NEDD4L: variants seen among roughly 807,000 people sequenced by gnomAD.
The protein encoded by NEDD4L is E3 ubiquitin-protein ligase NEDD4-like.
NEDD4L carries 54 observed loss-of-function variants against 148.9 expected under a neutral mutation model. The ratio of observed to expected loss-of-function variants is 0.36; its 90% CI spans 0.29 to 0.45. The LOEUF (loss-of-function observed/expected upper bound fraction) is 0.45. NEDD4L is among the 20% of genes least tolerant of loss of function. NEDD4L has a pLI of 1.00. For synonymous variants in NEDD4L, 433 were observed against 440.7 expected, an observed-to-expected ratio of 0.98 and a Z score of 0.22; for missense variants, 856 against 1,233.8, an observed-to-expected ratio of 0.69 and a Z score of 4.59.
intron 5 of NEDD4L, among the ~76,000 whole-genome samples, chr18:58,284,450 A>G (rs1380104431): frequency 1.3e-5 from 2 of 152,198 alleles, no homozygotes; most frequent in Admixed American, 6.5e-5. Flanking sequence ...AGCAAAATGA[A>G]TAATCTGTCT....
At chr18:58,344,578 T>A (rs906908063) in intron 16 of NEDD4L, among the ~76,000 whole-genome samples, 3 of 152,242 alleles carry the variant, frequency 2.0e-5, no homozygotes, top group Non-Finnish European at 2.9e-5. Context: ...AACATTCATT[T>A]GGTAAACTGA....
intron 5 of NEDD4L, among the ~76,000 whole-genome samples, chr18:58,261,979 C>T (rs552255351): frequency 6.6e-6 from 1 of 152,218 alleles, no homozygotes; most frequent in African/African-American, 2.4e-5. Flanking sequence ...CTGTAAATGT[C>T]AAAGGAAACT....
chr18:58,197,233 T>C (rs1438457461), intron 2 of NEDD4L, among the ~76,000 whole-genome samples: 1 of 152,104 alleles, frequency 6.6e-6, no homozygotes, highest in Admixed American at 6.5e-5. Context: ...TGTTGAGAGA[T>C]GGAAAATTGG....
chr18:58,205,874 T>C (rs2041931474), intron 2 of NEDD4L, among the ~76,000 whole-genome samples: 1 of 152,106 alleles, frequency 6.6e-6, no homozygotes, highest in Non-Finnish European at 1.5e-5. Flanking sequence ...GTATATGTTC[T>C]GATGTTTGTT....
Position 58,400,568 on chromosome 18 carries a change from G to A in NEDD4L, c.*4299G>A, listed in dbSNP as rs1225666433. 1 of 152,174 alleles carries A rather than the reference G, an allele frequency of 6.6e-6. No homozygotes were observed. The highest frequency in any genetic ancestry group is 6.5e-5 in the Admixed American group (1 of 15,280). 9.4% of individuals were successfully genotyped at this position (152,174 alleles called of 1,614,324 possible). On this transcript the variant is annotated 3_prime_UTR_variant, in exon 31 of 31. Transcript: ENST00000400345. ...TTCCTGTTGGCATGAAATTTTCCAA[G>A]CAAACCTCATTAAACATCTGTTGTT...
rs374983671 is a variant in NEDD4L at position 58,353,904 on chromosome 18, G to A, written c.1708+2859G>A. 1.8e-4 allele frequency among the ~76,000 whole-genome samples: 27 copies of A among 152,276 alleles called. 1 individual carries two copies. In the East Asian group the frequency reaches 3.7e-3, roughly 21 times the overall value. Reference sequence around the variant, plus strand: ...TCTTGTCTTCCAGCATACCTGGCACGTGGGTCCACCTGGAATTACAGATGA... The same window carrying A: ...TCTTGTCTTCCAGCATACCTGGCACATGGGTCCACCTGGAATTACAGATGA... On this transcript the variant is annotated intron_variant, in intron 18 of 30. Coordinates refer to ENST00000400345, the MANE Select transcript of NEDD4L (RefSeq NM_001144967.3).
chr18:58,142,289 C>T (rs979104307), intron 1 of NEDD4L, among the ~76,000 whole-genome samples: 8 of 151,694 alleles, frequency 5.3e-5, no homozygotes, highest in Non-Finnish European at 7.4e-5. Context: ...ACATCGTGAT[C>T]CACCTGCCTC....
At chr18:58,389,220 T>A (rs2049459548) in intron 28 of NEDD4L, 28 bp downstream of exon 28, 4 of 1,542,446 alleles carry the variant, frequency 2.6e-6, no homozygotes, top group Admixed American at 1.7e-5. Context: ...CCCCAGCCGG[T>A]GTCCTCCACC....
At chr18:58,248,833 G>A (rs1008634817) in intron 3 of NEDD4L, 66 bp from the exon 4 acceptor site, 1 of 810,640 alleles carries the variant, frequency 1.2e-6, no homozygotes, top group African/African-American at 1.7e-5. Flanking sequence ...TATGTAGACT[G>A]TATTGTACTA....
chr18:58,254,660 A>C (rs1323222342), intron 5 of NEDD4L, among the ~76,000 whole-genome samples: 1 of 151,458 alleles, frequency 6.6e-6, no homozygotes, highest in East Asian at 1.9e-4. Flanking sequence ...TTCCTACCTG[A>C]CATATGGAAG....
chr18:58,284,603 T>A (rs71355692), intron 5 of NEDD4L, among the ~76,000 whole-genome samples: 9,464 of 152,278 alleles, frequency 0.062, 375 homozygotes, highest in South Asian at 0.17. Flanking sequence ...TCGTTGCATG[T>A]GGGTACACCC....
chr18:58,267,577 A>G (rs1443039811), intron 5 of NEDD4L, among the ~76,000 whole-genome samples: 2 of 151,996 alleles, frequency 1.3e-5, no homozygotes, highest in Non-Finnish European at 2.9e-5. Context: ...GAATACCAGG[A>G]AAGATCATGG....
chr18:58,108,482 G>A (rs1695675383), intron 1 of NEDD4L, among the ~76,000 whole-genome samples: 1 of 152,092 alleles, frequency 6.6e-6, no homozygotes, highest in South Asian at 2.1e-4. Flanking sequence ...GTGCAGTGGT[G>A]CGATCTCAGC....
chr18:58,284,039 G>C (rs986024963), intron 5 of NEDD4L, among the ~76,000 whole-genome samples: 4 of 152,184 alleles, frequency 2.6e-5, no homozygotes, highest in African/African-American at 7.2e-5. Context: ...AAGCAGGGGA[G>C]ACCATGGAAT....
rs932311283 is a variant in NEDD4L at position 58,100,787 on chromosome 18, G to T, written c.48+56079G>T. ...CTCCTTTTAGGGGGCAGAAAAGAAA[G>T]AATGTTTTTATTTTTAATTAAAAAA... is the stretch of plus-strand genomic sequence containing the variant. On this transcript the variant is annotated intron_variant, in intron 1 of 30. Coordinates refer to ENST00000400345, the MANE Select transcript of NEDD4L (RefSeq NM_001144967.3). Among the ~76,000 whole-genome samples the T allele has an allele frequency of 2.0e-5, 3 of 149,838 alleles. No individual in the cohort carries two copies. In the East Asian group the frequency reaches 5.8e-4, roughly 29 times the overall value.
intron 2 of NEDD4L, among the ~76,000 whole-genome samples, chr18:58,194,602 C>A (rs2040461624): frequency 1.3e-5 from 2 of 152,194 alleles, no homozygotes; most frequent in South Asian, 4.2e-4. Context: ...CTTGTTGTCC[C>A]TGGCAGGGTT....
At chr18:58,210,313 A>G (rs1351139219) in intron 2 of NEDD4L, among the ~76,000 whole-genome samples, 1 of 152,254 alleles carries the variant, frequency 6.6e-6, no homozygotes, top group Non-Finnish European at 1.5e-5. Flanking sequence ...TTAGGAAAAT[A>G]CAAATTACCA....
chr18:58,394,005 C>T (rs973363127), intron 30 of NEDD4L, among the ~76,000 whole-genome samples: 3 of 152,218 alleles, frequency 2.0e-5, no homozygotes, highest in African/African-American at 7.2e-5. Context: ...TAGGTAGACT[C>T]TAAAGCAAAC....
chr18:58,149,146 T>A (rs1365383728), intron 1 of NEDD4L, among the ~76,000 whole-genome samples: 1 of 152,336 alleles, frequency 6.6e-6, no homozygotes, highest in Non-Finnish European at 1.5e-5. Flanking sequence ...AGAGTGTACT[T>A]CTGAACATTT....
Sources: gnomAD v4.1 joint callset for allele counts (sites outside exome capture counted in the v4.1 genomes callset) on GRCh38, gnomAD v4.1.1 for gene constraint, MANE v1.5 for transcripts, NCBI Gene and HGNC (gene_info 2026-07-23, HGNC 2026-07-21) for gene names.